Variants in LAMA2 observed in about 807,000 individuals in gnomAD.
LAMA2 encodes the protein laminin subunit alpha-2.
Under a neutral mutation model 364.8 loss-of-function variants are expected in LAMA2, and 269 were observed. The ratio of observed to expected loss-of-function variants is 0.74; its 90% CI spans 0.67 to 0.82. LAMA2 has a LOEUF of 0.82. Among genes scored for constraint, LAMA2 ranks in the 40% least tolerant of loss-of-function variants. The pLI is 0.00. For synonymous variants in LAMA2, 1,379 were observed against 1,370.6 expected, an observed-to-expected ratio of 1.01 and a Z score of -0.14; for missense variants, 3,807 against 3,873.2, an observed-to-expected ratio of 0.98 and a Z score of 0.45.
intron 1 of LAMA2, among the ~76,000 whole-genome samples, chr6:128,904,450 T>G (rs1035243830): frequency 1.4e-5 from 2 of 145,576 alleles, no homozygotes; most frequent in African/African-American, 5.3e-5. Flanking sequence ...TTTTTTTCCT[T>G]TCTTTTTTTT....
At chr6:128,971,828 T>C (rs903949692) in intron 1 of LAMA2, among the ~76,000 whole-genome samples, 2 of 152,170 alleles carry the variant, frequency 1.3e-5, no homozygotes, top group African/African-American at 4.8e-5. Flanking sequence ...TATCTGTCAG[T>C]TATCGGCTAC....
At chr6:129,147,148 G>A in intron 6 of LAMA2, 100 bp downstream of exon 6, 1 of 795,346 alleles carries the variant, frequency 1.3e-6, no homozygotes, top group Middle Eastern at 2.3e-4. Context: ...ATGGGAGTCA[G>A]GTCCCCACTT....
intron 1 of LAMA2, among the ~76,000 whole-genome samples, chr6:129,036,234 G>A (rs1336384610): frequency 6.6e-6 from 1 of 151,996 alleles, no homozygotes; most frequent in East Asian, 1.9e-4. Context: ...TGTATTCCTA[G>A]GTATTTCACT....
chr6:129,391,644 A>C lies in LAMA2; in HGVS notation c.5225A>C (p.Asp1742Ala). 6.2e-7 allele frequency: 1 copy of C among 1,613,440 alleles called. No individual in the cohort carries two copies. The highest frequency in any genetic ancestry group is 8.5e-7 in the Non-Finnish European group (1 of 1,179,404). The part of the protein sequence containing the change: ...NLETQKEIAE[D>A]ELVAAEALLK... ...GAGACACAAAAGGAAATTGCTGAAG[A>C]TGAGTTGGTGTGAGTAGATGAGTTA... Residue 1742 changes from aspartate (D) to alanine (A), a missense_variant, in exon 36 of 65, where the codon GAT (aspartate) becomes GCT (alanine). By Grantham distance (126) the Asp-to-Ala change is moderately radical. Coordinates refer to ENST00000421865, the MANE Select transcript of LAMA2 (RefSeq NM_000426.4).
chr6:129,402,595 A>T (rs191229132), intron 39 of LAMA2, 108 bp downstream of exon 39: 2 of 1,124,478 alleles, frequency 1.8e-6, no homozygotes, highest in African/African-American at 3.1e-5. Flanking sequence ...TCTGTTAATT[A>T]TGAACACACT....
At position 129,295,100 on chromosome 6, in the gene LAMA2, C is replaced by T. The variant is rs149806209; in HGVS notation, c.2857-2585C>T. Among the ~76,000 whole-genome samples, 203 of 152,214 alleles carry T rather than the reference C, an allele frequency of 1.3e-3. 1 individual carries two copies. The highest frequency in any genetic ancestry group is 3.9e-3 in the South Asian group (19 of 4,826). On this transcript the variant is annotated intron_variant, in intron 20 of 64. Transcript: ENST00000421865. Reference sequence around the variant, plus strand: ...CTGAGAGCTCAGACTCTGGAGCCAACCTAGCTGATCTGGAATCTTGACTCC... The same window carrying T: ...CTGAGAGCTCAGACTCTGGAGCCAATCTAGCTGATCTGGAATCTTGACTCC...
At chr6:129,203,355 G>C (rs12153813) in intron 12 of LAMA2, among the ~76,000 whole-genome samples, 34,142 of 152,204 alleles carry the variant, frequency 0.22, 4,110 homozygotes, top group African/African-American at 0.3. Flanking sequence ...ACGTGCATAT[G>C]GGGCAACCCC....
intron 53 of LAMA2, among the ~76,000 whole-genome samples, chr6:129,477,212 T>G (rs1020185374): frequency 6.6e-6 from 1 of 152,176 alleles, no homozygotes; most frequent in Non-Finnish European, 1.5e-5. Context: ...TCAAATTAAA[T>G]AACAATAAAT....
chr6:129,144,978 A>G (rs964828155), intron 5 of LAMA2, among the ~76,000 whole-genome samples: 1 of 151,982 alleles, frequency 6.6e-6, no homozygotes, highest in Non-Finnish European at 1.5e-5. Flanking sequence ...CACCTCCCAC[A>G]TATGCTGCTA....
At chr6:129,022,225 A>G (rs1582886841) in intron 1 of LAMA2, among the ~76,000 whole-genome samples, 1 of 152,238 alleles carries the variant, frequency 6.6e-6, no homozygotes, top group East Asian at 1.9e-4. Flanking sequence ...ACAAAAGAAA[A>G]GAAAGCAATC....
At chr6:128,976,889 T>G (rs1337512987) in intron 1 of LAMA2, among the ~76,000 whole-genome samples, 1 of 152,218 alleles carries the variant, frequency 6.6e-6, no homozygotes, top group East Asian at 1.9e-4. Flanking sequence ...TGCCCATGTA[T>G]GAACAAAGGT....
intron 1 of LAMA2, among the ~76,000 whole-genome samples, chr6:128,965,260 C>T (rs778701587): frequency 6.6e-6 from 1 of 152,008 alleles, no homozygotes; most frequent in Non-Finnish European, 1.5e-5. Context: ...GTAAAGCAGG[C>T]CAGTGATCTC....
rs149347601 is a variant in LAMA2 at position 129,098,187 on chromosome 6, G to A, written c.411G>A (p.Ala137=). Residue 137 remains alanine (A), a synonymous_variant, in exon 4 of 65, where the codon GCG becomes GCA. Transcript: ENST00000421865. ...TLDLQQVFQI[A]YVIVKAANSP... ...TACTTCCCTAGGTGTTCCAGATCGC[G>A]TATGTGATTGTGAAGGCAGCTAACT... is the stretch of plus-strand genomic sequence containing the variant. 3.4e-3 allele frequency: 5,455 copies of A among 1,614,008 alleles called. 18 individuals carry two copies. The highest frequency in any genetic ancestry group is 4.9e-3 in the South Asian group (447 of 91,074).
chr6:129,070,915 C>T (rs1318670186), intron 3 of LAMA2, among the ~76,000 whole-genome samples: 1 of 152,090 alleles, frequency 6.6e-6, no homozygotes, highest in East Asian at 1.9e-4. Flanking sequence ...AATGAACCTT[C>T]CCAAGTAACT....
At chr6:129,079,498 C>A (rs529411699) in intron 3 of LAMA2, among the ~76,000 whole-genome samples, 2 of 151,316 alleles carry the variant, frequency 1.3e-5, no homozygotes, top group South Asian at 2.1e-4. Flanking sequence ...ACATTCCCAT[C>A]GGCCATACAC....
intron 37 of LAMA2, among the ~76,000 whole-genome samples, chr6:129,398,428 G>T (rs1464058211): frequency 1.3e-5 from 2 of 150,808 alleles, no homozygotes; most frequent in Non-Finnish European, 3.0e-5. Context: ...AGCAGCACAA[G>T]TCCCAGGAAT....
At chr6:128,901,622 T>G (rs559216980) in intron 1 of LAMA2, among the ~76,000 whole-genome samples, 1 of 152,336 alleles carries the variant, frequency 6.6e-6, no homozygotes, top group Admixed American at 6.5e-5. Flanking sequence ...GACCATCAGA[T>G]AGTATTTGAT....
At chr6:128,974,767 T>G (rs1782416594) in intron 1 of LAMA2, among the ~76,000 whole-genome samples, 1 of 152,178 alleles carries the variant, frequency 6.6e-6, no homozygotes, top group African/African-American at 2.4e-5. Context: ...TCAAGCCACT[T>G]TTATGGACTA....
At chr6:129,211,429 G>A (rs370635718) in intron 12 of LAMA2, among the ~76,000 whole-genome samples, 2 of 152,116 alleles carry the variant, frequency 1.3e-5, no homozygotes, top group Admixed American at 1.3e-4. Flanking sequence ...CACATACCTG[G>A]TGGAGAAGAA....
Sources: allele counts gnomAD v4.1 joint callset (sites outside exome capture counted in the v4.1 genomes callset), GRCh38; gene constraint gnomAD v4.1.1; transcripts MANE v1.5; gene names NCBI Gene and HGNC (gene_info 2026-07-23, HGNC 2026-07-21).